Variants in PYM1 observed in about 807,000 individuals in gnomAD.
PYM1 encodes PYM1 exon junction complex associated factor, also known as partner of Y14 and mago.
Under a neutral mutation model 20.7 loss-of-function variants are expected in PYM1, and 7 were observed. The ratio of observed to expected loss-of-function variants is 0.34; its 90% confidence interval spans 0.19 to 0.64. The LOEUF (loss-of-function observed/expected upper bound fraction) is 0.64, where lower values mean the gene tolerates loss of function less well. Among genes scored for constraint, PYM1 ranks in the 30% least tolerant of loss-of-function variants. PYM1 has a pLI of 0.74. For missense variants in PYM1, 194 were observed against 250.0 expected (o/e 0.78, Z 1.51); for synonymous variants, 100 against 99.2 (o/e 1.01, Z -0.05).
In PYM1 at chr12:55,920,308, G is replaced by C. The variant is rs188551297; in HGVS notation, c.37+7417C>G. 6.4e-4 allele frequency among the ~76,000 whole-genome samples: 98 copies of C among 152,008 alleles called. 1 individual carries two copies. The highest frequency in any genetic ancestry group is 1.0e-4 in the Non-Finnish European group (7 of 67,976). On this transcript the variant is annotated intron_variant, in intron 1 of 2. Transcript: ENST00000408946. ...ACTTGAACCCAGGAGTTGGAGACCT[G>C]CCTGGGAAACATAGCAAGACCTCAT...
intron 2 of PYM1, 150 bp downstream of exon 2, chr12:55,903,237 A>C: frequency 1.5e-6 from 1 of 658,998 alleles, no homozygotes; most frequent in Non-Finnish European, 2.6e-6. Flanking sequence ...CCTGAATCCC[A>C]GACTCTTTCT....
At chr12:55,904,367 T>C (rs1283006920) in intron 1 of PYM1, among the ~76,000 whole-genome samples, 1 of 147,552 alleles carries the variant, frequency 6.8e-6, no homozygotes, top group East Asian at 2.1e-4. Context: ...GCCGAGGGGG[T>C]TGAATCACGA....
intron 1 of PYM1, among the ~76,000 whole-genome samples, chr12:55,921,377 G>T (rs1164235624): frequency 6.6e-6 from 1 of 152,004 alleles, no homozygotes; most frequent in Non-Finnish European, 1.5e-5. Context: ...GATTCCCAAG[G>T]CTATATAGCT....
chr12:55,920,437 A>G (rs1306091863), intron 1 of PYM1, among the ~76,000 whole-genome samples: 3 of 152,092 alleles, frequency 2.0e-5, no homozygotes, highest in African/African-American at 4.8e-5. Flanking sequence ...CAGGAGTTCA[A>G]GACCAGCCTA....
At position 55,901,969 on chromosome 12, in the gene PYM1, G is replaced by A. The variant is rs1260717588; in HGVS notation, c.518C>T (p.Ala173Val). Residue 173 changes from alanine to valine, a missense_variant, in exon 3 of 3, where the codon GCT becomes GTT. Around this residue, in one of 3 missense-constraint regions of PYM1, gnomAD observed 158 missense variants for 179.0 expected, o/e 0.88. Coordinates refer to ENST00000408946, the MANE Select transcript of PYM1 (RefSeq NM_032345.3). Reference sequence around the variant, plus strand: ...TTTGCTAGGCTGGCTGACTTCCCCAGCCTGGATCCGCTGCTGCAGCTCTTC... The same window carrying A: ...TTTGCTAGGCTGGCTGACTTCCCCAACCTGGATCCGCTGCTGCAGCTCTTC... ...QVEELQQRIQ[A>V]GEVSQPSKEQ... The A allele has an allele frequency of 6.2e-7, 1 of 1,614,094 alleles. No individual in the cohort carries two copies. The highest frequency in any genetic ancestry group is 1.7e-5 in the Admixed American group (1 of 60,010).
At chr12:55,922,310 C>G (rs927612676) in intron 1 of PYM1, among the ~76,000 whole-genome samples, 11 of 151,942 alleles carry the variant, frequency 7.2e-5, no homozygotes. Flanking sequence ...GCCAGATGAT[C>G]ACGGTCAATA....
chr12:55,919,184 G>A (rs1883057286), intron 1 of PYM1, among the ~76,000 whole-genome samples: 1 of 152,182 alleles, frequency 6.6e-6, no homozygotes, highest in Non-Finnish European at 1.5e-5. Flanking sequence ...TGAGGTCACT[G>A]TCACCCAGGC....
At chr12:55,922,301 C>A (rs1883110915) in intron 1 of PYM1, among the ~76,000 whole-genome samples, 2 of 151,944 alleles carry the variant, frequency 1.3e-5, no homozygotes, top group African/African-American at 4.8e-5. Flanking sequence ...AATATCTCTG[C>A]CAGATGATCA....
chr12:55,901,765 AAGC>A lies in PYM1; in HGVS notation c.*104_*106del. 8.9e-7 allele frequency: 1 copy of A among 1,126,572 alleles called. No homozygotes were observed. The highest frequency in any genetic ancestry group is 2.7e-5 in the East Asian group (1 of 37,522). 69.8% of individuals were successfully genotyped at this position (1,126,572 alleles called of 1,614,324 possible). A position where few individuals can be genotyped will look rare whatever the true frequency, so the allele number is the denominator to read the frequency against. ...GAGCTGGGCCGCAGGAGGTGGAAGT[AAGC>A]CAGTATGGGGGGTACCCCTCCTGAC... On this transcript the variant is annotated 3_prime_UTR_variant, in exon 3 of 3. Coordinates refer to ENST00000408946, the MANE Select transcript of PYM1 (RefSeq NM_032345.3).
At chr12:55,922,510 A>G (rs1305931390) in intron 1 of PYM1, among the ~76,000 whole-genome samples, 2 of 151,380 alleles carry the variant, frequency 1.3e-5, no homozygotes, top group Admixed American at 1.3e-4. Flanking sequence ...CTAGATACTC[A>G]GGAGGCTGAG....
At chr12:55,918,812 G>A (rs149127747) in intron 1 of PYM1, among the ~76,000 whole-genome samples, 2,847 of 152,286 alleles carry the variant, frequency 0.019, 61 homozygotes, top group Admixed American at 0.037. Context: ...AGGTCGCACT[G>A]AGCCGAGATT....
chr12:55,903,547 A>T, intron 1 of PYM1, 67 bp from the exon 2 acceptor site: 1 of 1,478,850 alleles, frequency 6.8e-7, no homozygotes, highest in Non-Finnish European at 9.4e-7. Flanking sequence ...TGAGACAAGA[A>T]TGTATAAATG....
intron 1 of PYM1, among the ~76,000 whole-genome samples, chr12:55,910,023 G>A (rs1270628515): frequency 1.3e-5 from 2 of 152,044 alleles, no homozygotes; most frequent in Non-Finnish European, 1.5e-5. Flanking sequence ...AACATAGGGA[G>A]ACCCCTGTCT....
At chr12:55,920,447 A>G (rs1322309667) in intron 1 of PYM1, among the ~76,000 whole-genome samples, 3 of 151,958 alleles carry the variant, frequency 2.0e-5, no homozygotes, top group Non-Finnish European at 4.4e-5. Flanking sequence ...AGACCAGCCT[A>G]GACAACATGG....
chr12:55,911,662 G>A (rs1350417768), intron 1 of PYM1, among the ~76,000 whole-genome samples: 1 of 151,890 alleles, frequency 6.6e-6, no homozygotes, highest in African/African-American at 2.4e-5. Context: ...CCAACATGGT[G>A]AAACGCTGTC....
intron 1 of PYM1, among the ~76,000 whole-genome samples, chr12:55,912,052 G>T (rs557048300): frequency 2.0e-5 from 3 of 151,928 alleles, no homozygotes; most frequent in African/African-American, 7.2e-5. Flanking sequence ...AAACTTTTTT[G>T]AAAATAATGT....
At chr12:55,922,238 C>G (rs533498572) in intron 1 of PYM1, among the ~76,000 whole-genome samples, 64 of 151,860 alleles carry the variant, frequency 4.2e-4, no homozygotes, top group Non-Finnish European at 1.2e-4. Flanking sequence ...GACTTCCCTA[C>G]AGTATGGAAA....
chr12:55,922,779 C>T (rs1293587381), intron 1 of PYM1, among the ~76,000 whole-genome samples: 1 of 152,062 alleles, frequency 6.6e-6, no homozygotes, highest in Non-Finnish European at 1.5e-5. Context: ...AGAAGGATAT[C>T]CTACAAAATA....
chr12:55,905,858 T>TAG, intron 1 of PYM1, among the ~76,000 whole-genome samples: 1 of 53,930 alleles, frequency 1.9e-5, no homozygotes, highest in Non-Finnish European at 4.1e-5. Context: ...TATTATATAT[T>TAG]AGATATATAT....
Sources: allele counts gnomAD v4.1 joint callset (sites outside exome capture counted in the v4.1 genomes callset), GRCh38; gene constraint gnomAD v4.1.1; regional missense constraint gnomAD v4.1.1; transcripts MANE v1.5; gene names NCBI Gene and HGNC (gene_info 2026-07-23, HGNC 2026-07-21).